Variants in SNUPN observed in about 807,000 individuals in gnomAD.
SNUPN encodes the protein snurportin 1.
Under a neutral mutation model 39.2 loss-of-function variants are expected in SNUPN, and 31 were observed. That is an observed-to-expected ratio of 0.79 (90% CI 0.59 to 1.07). SNUPN has a LOEUF of 1.07. SNUPN is among the 50% of genes least tolerant of loss of function. The probability of loss-of-function intolerance (pLI) is 0.00; values close to 1 mark genes in which losing one functional copy is unlikely to be tolerated. For synonymous variants in SNUPN, 132 were observed against 159.0 expected (o/e 0.83, Z 1.28); for missense variants, 382 against 434.2 (o/e 0.88, Z 1.07).
chr15:75,607,492 A>G (rs1043982185), intron 5 of SNUPN, among the ~76,000 whole-genome samples, 179 bp from the exon 6 acceptor site: 1 of 152,174 alleles, frequency 6.6e-6, no homozygotes, highest in Non-Finnish European at 1.5e-5. Flanking sequence ...GCTACCAGCT[A>G]CAGCTTCATG....
intron 6 of SNUPN, among the ~76,000 whole-genome samples, chr15:75,606,181 A>G (rs111706855): frequency 3.4e-4 from 52 of 152,232 alleles, no homozygotes; most frequent in Non-Finnish European, 6.8e-4. Context: ...CTTACCTTAC[A>G]ATAAGGACGT....
At chr15:75,613,258 C>CAA (rs905447706) in intron 3 of SNUPN, among the ~76,000 whole-genome samples, 457 of 37,148 alleles carry the variant, frequency 0.012, 3 homozygotes, top group East Asian at 0.022. Flanking sequence ...GACTCCATCT[C>CAA]AAAAAAAAAA....
chr15:75,601,539 C>T (rs141665383), intron 7 of SNUPN, among the ~76,000 whole-genome samples: 3 of 152,132 alleles, frequency 2.0e-5, no homozygotes, highest in Admixed American at 6.6e-5. Context: ...CATGCCACTG[C>T]ACTCCAGACT....
chr15:75,622,019 C>A (rs189554281), intron 1 of SNUPN, among the ~76,000 whole-genome samples: 124 of 151,952 alleles, frequency 8.2e-4, no homozygotes, highest in Non-Finnish European at 1.4e-3. Context: ...CTGGGCGACA[C>A]AGCAAGACTT....
At chr15:75,624,567 G>C (rs565452867) in intron 1 of SNUPN, 1 of 207,338 alleles carries the variant, frequency 4.8e-6, no homozygotes, top group African/African-American at 2.4e-5. Flanking sequence ...CAGATGCTCG[G>C]GAGGCTGAGG....
chr15:75,617,402 A>G lies in SNUPN; in HGVS notation c.303+6T>C. The G allele has an allele frequency of 6.2e-7, 1 of 1,613,040 alleles. No homozygotes were observed. Among genetic ancestry groups the G allele is most frequent in the Non-Finnish European group, 8.5e-7 (1 of 1,179,556 alleles). On this transcript the variant is annotated splice_donor_region_variant and intron_variant, in intron 3 of 8. Coordinates refer to ENST00000308588, the MANE Select transcript of SNUPN (RefSeq NM_005701.4). ...AGCTGGGTCTCATCTTCTCTGGACC[A>G]CTTACTTGATTAGCATAGTGTTTTG... is the stretch of plus-strand genomic sequence containing the variant.
chr15:75,609,968 G>T lies in SNUPN; in HGVS notation c.330C>A (p.Asp110Glu). 1 of 1,614,014 alleles carries T rather than the reference G, an allele frequency of 6.2e-7. No individual in the cohort carries two copies. Among genetic ancestry groups the T allele is most frequent in the South Asian group, 1.1e-5 (1 of 91,072 alleles). Residue 110 changes from aspartate (D) to glutamate (E), a missense_variant, in exon 4 of 9, where the codon GAC (aspartate) becomes GAA (glutamate). Transcript: ENST00000308588. ...ATTCCTGCCCCAAATCTGAAGGAAC[G>T]TCAATTAACCACTCAGAAAGCATCA... ...NQLMLSEWLI[D>E]VPSDLGQEWI... is the part of the protein sequence containing the mutation.
At chr15:75,620,133 G>C (rs1410931865) in intron 2 of SNUPN, among the ~76,000 whole-genome samples, 1 of 152,164 alleles carries the variant, frequency 6.6e-6, no homozygotes, top group African/African-American at 2.4e-5. Flanking sequence ...GGAGAGGAAT[G>C]ATCTGGGAAT....
rs892420049 is a variant in SNUPN at position 75,607,459 on chromosome 15, C to T, written c.503-146G>A. The T allele has an allele frequency of 3.1e-5, 20 of 638,206 alleles. No homozygotes were observed. The African/African-American group carries it at 3.4e-4, about 11-fold the overall frequency. The allele number at this position is 638,206 out of a possible 1,614,324, so 39.5% of individuals were successfully genotyped here. A position where few individuals can be genotyped will look rare whatever the true frequency, so the allele number is the denominator to read the frequency against. On this transcript the variant is annotated intron_variant, in intron 5 of 8. Coordinates refer to ENST00000308588, the MANE Select transcript of SNUPN (RefSeq NM_005701.4). ...TCACTGGCACTAAGGACTAAGGATTCACTGGGGAGAGAACCCTGCCTGGCT... is the reference window on the plus strand; with the variant it reads ...TCACTGGCACTAAGGACTAAGGATTTACTGGGGAGAGAACCCTGCCTGGCT...
intron 6 of SNUPN, among the ~76,000 whole-genome samples, chr15:75,605,536 T>C (rs1380423697): frequency 6.6e-6 from 1 of 152,028 alleles, no homozygotes; most frequent in Non-Finnish European, 1.5e-5. Context: ...CCTGACCTCT[T>C]GATCTCTCCA....
chr15:75,617,593 T>A (rs1440014343), intron 2 of SNUPN, 41 bp from the exon 3 acceptor site: 6 of 327,792 alleles, frequency 1.8e-5, no homozygotes, highest in Non-Finnish European at 2.9e-5. Context: ...TCTTTTCTTC[T>A]TTTTTTTTTT....
In SNUPN at chr15:75,616,407, A is replaced by G. The variant is rs1350843741; in HGVS notation, c.303+1001T>C. ...CGGGAGGCAGAGGTTGCAGTGAGCC[A>G]CGATCGTACCACTGCACTCCAGCCT... On this transcript the variant is annotated intron_variant, in intron 3 of 8. Coordinates refer to ENST00000308588, the MANE Select transcript of SNUPN (RefSeq NM_005701.4). Among the ~76,000 whole-genome samples, 4 of 152,020 alleles carry G rather than the reference A, an allele frequency of 2.6e-5. No individual in the cohort carries two copies. In the East Asian group the frequency reaches 5.8e-4, roughly 22 times the overall value.
intron 3 of SNUPN, among the ~76,000 whole-genome samples, chr15:75,616,180 G>T (rs1199205865): frequency 6.7e-6 from 1 of 150,238 alleles, no homozygotes; most frequent in African/African-American, 2.5e-5. Context: ...GGTCTCTCCG[G>T]GTGCAGTGGC....
chr15:75,603,457 C>T (rs1262970125), intron 7 of SNUPN, among the ~76,000 whole-genome samples: 2 of 149,306 alleles, frequency 1.3e-5, no homozygotes, highest in African/African-American at 2.5e-5. Flanking sequence ...GTCAGGAGAT[C>T]GACACCATCC....
At chr15:75,606,647 G>A (rs912132952) in intron 6 of SNUPN, among the ~76,000 whole-genome samples, 3 of 152,132 alleles carry the variant, frequency 2.0e-5, no homozygotes, top group Admixed American at 6.5e-5. Context: ...TTGGGGGTAT[G>A]GTGAAACAGA....
chr15:75,604,223 C>T (rs2075314105), intron 7 of SNUPN, among the ~76,000 whole-genome samples: 1 of 143,862 alleles, frequency 7.0e-6, no homozygotes. Flanking sequence ...TACAGTGGCA[C>T]AATCTTGGCT....
chr15:75,599,754 T>C (rs1461024441), intron 8 of SNUPN, among the ~76,000 whole-genome samples: 1 of 152,200 alleles, frequency 6.6e-6, no homozygotes, highest in Non-Finnish European at 1.5e-5. Context: ...AACTCAGCCT[T>C]TGCCATTTCC....
chr15:75,613,190 C>T (rs1003751095), intron 3 of SNUPN, among the ~76,000 whole-genome samples: 3 of 129,432 alleles, frequency 2.3e-5, no homozygotes, highest in Non-Finnish European at 3.1e-5. Flanking sequence ...ACCCGGGAGG[C>T]GGAGCTTGTA....
chr15:75,609,502 T>G (rs2141368277), intron 5 of SNUPN, 56 bp downstream of exon 5: 2 of 1,485,030 alleles, frequency 1.3e-6, no homozygotes, highest in Non-Finnish European at 1.9e-6. Flanking sequence ...AGTGGGTCTT[T>G]AAAGCAAATT....
Sources: gnomAD v4.1 joint callset for allele counts (sites outside exome capture counted in the v4.1 genomes callset) on GRCh38, gnomAD v4.1.1 for gene constraint, MANE v1.5 for transcripts, NCBI Gene and HGNC (gene_info 2026-07-23, HGNC 2026-07-21) for gene names.